DPP10: variants seen among roughly 807,000 people sequenced by gnomAD.
DPP10 encodes dipeptidyl peptidase like 10.
A neutral mutation model predicts 120.9 loss-of-function variants in DPP10; 33 were observed. The observed-to-expected ratio is 0.27, with a 90% CI of 0.21 to 0.37. The LOEUF is 0.37. Among genes scored for constraint, DPP10 ranks in the 10% least tolerant of loss-of-function variants. The probability of loss-of-function intolerance (pLI) is 1.00; values close to 1 mark genes in which losing one functional copy is unlikely to be tolerated. For synonymous variants in DPP10, 337 were observed against 326.1 expected (o/e 1.03, Z -0.36); for missense variants, 816 against 942.8 (o/e 0.87, Z 1.76).
chr2:115,178,035 C>CT lies in DPP10; in HGVS notation c.61-131196dup, dbSNP rs909248612. Among the ~76,000 whole-genome samples the CT allele has an allele frequency of 5.9e-5, 9 of 152,048 alleles. 1 individual carries two copies. Among genetic ancestry groups the CT allele is most frequent in the African/African-American group, 1.7e-4 (7 of 41,498 alleles). ...GCCTCGGCCTCCCAAAGTGACATTG[C>CT]TTTTTTTTGATAAAAACCTTGATAT... On this transcript the variant is annotated intron_variant, in intron 1 of 25. Transcript: ENST00000410059.
chr2:115,474,128 G>A (rs1426950533), intron 3 of DPP10, among the ~76,000 whole-genome samples: 1 of 152,052 alleles, frequency 6.6e-6, no homozygotes, highest in Non-Finnish European at 1.5e-5. Context: ...TTTTGCAATG[G>A]CAATGGCAAT....
chr2:114,805,272 T>G (rs1223085307), intron 1 of DPP10, among the ~76,000 whole-genome samples: 1 of 152,188 alleles, frequency 6.6e-6, no homozygotes, highest in Non-Finnish European at 1.5e-5. Context: ...ACACAAAGAA[T>G]GTACATTTAG....
intron 21 of DPP10, among the ~76,000 whole-genome samples, chr2:115,832,527 TTTTG>T (rs2150105402): frequency 6.6e-6 from 1 of 152,306 alleles, no homozygotes; most frequent in Admixed American, 6.5e-5. Context: ...CAGTGTCGAT[TTTTG>T]TTTAAAAATC....
intron 3 of DPP10, among the ~76,000 whole-genome samples, chr2:115,360,530 T>C (rs1330341477): frequency 6.6e-6 from 1 of 152,222 alleles, no homozygotes; most frequent in Admixed American, 6.5e-5. Context: ...TATTCAACTG[T>C]GTGCCTTTTT....
At chr2:115,547,919 G>A (rs2148991611) in intron 5 of DPP10, among the ~76,000 whole-genome samples, 1 of 152,212 alleles carries the variant, frequency 6.6e-6, no homozygotes, top group Middle Eastern at 3.4e-3. Context: ...AATCGATTTT[G>A]TTTGTGTTTA....
chr2:114,928,280 C>A (rs1014513246), intron 1 of DPP10, among the ~76,000 whole-genome samples: 3 of 152,116 alleles, frequency 2.0e-5, no homozygotes, highest in Non-Finnish European at 2.9e-5. Context: ...GCTGTAAAAT[C>A]AAAAATAAGT....
At chr2:115,190,219 T>C (rs2054769879) in intron 1 of DPP10, among the ~76,000 whole-genome samples, 1 of 152,194 alleles carries the variant, frequency 6.6e-6, no homozygotes, top group Admixed American at 6.5e-5. Context: ...CACCAAAATA[T>C]TGACTTAAAT....
intron 1 of DPP10, among the ~76,000 whole-genome samples, chr2:114,842,695 G>A (rs915481071): frequency 6.6e-6 from 1 of 152,102 alleles, no homozygotes; most frequent in Non-Finnish European, 1.5e-5. Context: ...ATGTTATCAT[G>A]TATTTTATTC....
At chr2:115,728,631 A>T (rs892457977) in intron 8 of DPP10, among the ~76,000 whole-genome samples, 13 of 152,216 alleles carry the variant, frequency 8.5e-5, no homozygotes, top group South Asian at 4.1e-4. Context: ...CTACTTTATT[A>T]TAAATTATAA....
At position 114,768,992 on chromosome 2, in the gene DPP10, G is replaced by T. The variant is rs187878792; in HGVS notation, c.60+326154G>T. On this transcript the variant is annotated intron_variant, in intron 1 of 25. Transcript: ENST00000410059. ...TTGACATTTATTCCCAAGGGCAATG[G>T]GGAACCTCTTACATATTTTTATGTA... is the stretch of plus-strand genomic sequence containing the variant. Among the ~76,000 whole-genome samples, 267 of 152,208 alleles carry T rather than the reference G, an allele frequency of 1.8e-3. 2 individuals carry two copies. The highest frequency in any genetic ancestry group is 6.1e-3 in the African/African-American group (252 of 41,538).
At chr2:115,464,363 G>T (rs2074175559) in intron 3 of DPP10, among the ~76,000 whole-genome samples, 1 of 151,362 alleles carries the variant, frequency 6.6e-6, no homozygotes, top group Admixed American at 6.6e-5. Flanking sequence ...TGGAGAGCCA[G>T]ATTTGAATTG....
At chr2:114,752,468 G>A (rs2106050800) in intron 1 of DPP10, among the ~76,000 whole-genome samples, 1 of 152,310 alleles carries the variant, frequency 6.6e-6, no homozygotes, top group African/African-American at 2.4e-5. Context: ...CAGACAGGCT[G>A]CTTTACATCA....
intron 5 of DPP10, among the ~76,000 whole-genome samples, chr2:115,547,511 C>T (rs1318303525): frequency 5.3e-5 from 8 of 152,136 alleles, no homozygotes; most frequent in Non-Finnish European, 8.8e-5. Context: ...CAGTGGCTCA[C>T]GCCTGTAATC....
At chr2:114,813,040 C>T (rs952202342) in intron 1 of DPP10, among the ~76,000 whole-genome samples, 2 of 152,124 alleles carry the variant, frequency 1.3e-5, no homozygotes, top group African/African-American at 4.8e-5. Context: ...TAAAATTAAG[C>T]CCACGAGGAC....
chr2:115,601,034 A>T (rs188776980), intron 5 of DPP10, among the ~76,000 whole-genome samples: 4 of 152,136 alleles, frequency 2.6e-5, no homozygotes, highest in Admixed American at 1.3e-4. Context: ...ATTTATGCCT[A>T]TTCACCTGCT....
At chr2:114,492,714 T>C (rs575964075) in intron 1 of DPP10, among the ~76,000 whole-genome samples, 4 of 152,296 alleles carry the variant, frequency 2.6e-5, no homozygotes, top group African/African-American at 9.6e-5. Context: ...TCAAATTGGA[T>C]AGTGTTCTTG....
intron 3 of DPP10, among the ~76,000 whole-genome samples, chr2:115,386,142 A>G (rs1354016971): frequency 6.6e-6 from 1 of 152,190 alleles, no homozygotes; most frequent in Non-Finnish European, 1.5e-5. Flanking sequence ...AACTTTATAA[A>G]GGAGGAAAGA....
At chr2:115,477,493 T>G (rs2075161406) in intron 3 of DPP10, among the ~76,000 whole-genome samples, 1 of 152,044 alleles carries the variant, frequency 6.6e-6, no homozygotes, top group South Asian at 2.1e-4. Flanking sequence ...AAAGCATTCC[T>G]GGAAAAAAAA....
chr2:115,343,714 G>A, intron 2 of DPP10, 103 bp from the exon 3 acceptor site: 2 of 668,068 alleles, frequency 3.0e-6, no homozygotes, highest in South Asian at 4.4e-5. Flanking sequence ...ATATTGTTAT[G>A]TAGTTAATAT....
Sources: gnomAD v4.1 joint callset for allele counts (sites outside exome capture counted in the v4.1 genomes callset) on GRCh38, gnomAD v4.1.1 for gene constraint, MANE v1.5 for transcripts, NCBI Gene and HGNC (gene_info 2026-07-23, HGNC 2026-07-21) for gene names.